NRG1: variants seen among roughly 807,000 people sequenced by gnomAD.
The protein encoded by NRG1 is pro-neuregulin-1, membrane-bound isoform.
In NRG1, 18 loss-of-function variants were observed where a neutral mutation model predicts 63.8. The ratio of observed to expected loss-of-function variants is 0.28; its 90% CI spans 0.19 to 0.42. The LOEUF (loss-of-function observed/expected upper bound fraction) is 0.42. NRG1 is among the 10% of genes least tolerant of loss of function. NRG1 has a pLI of 1.00. For missense variants in NRG1, 762 were observed against 814.7 expected (o/e 0.94, Z 0.79); for synonymous variants, 302 against 301.3 (o/e 1.00, Z -0.02).
intron 1 of NRG1, among the ~76,000 whole-genome samples, chr8:32,410,491 C>T (rs918437918): frequency 1.3e-5 from 2 of 152,104 alleles, no homozygotes; most frequent in African/African-American, 4.8e-5. Context: ...AAAAATCTTT[C>T]TTCCAAAATG....
intron 1 of NRG1, among the ~76,000 whole-genome samples, chr8:32,193,559 G>A (rs529548743): frequency 1.1e-4 from 16 of 152,056 alleles, no homozygotes; most frequent in African/African-American, 1.7e-4. Flanking sequence ...TTAAACCATC[G>A]TCAGCAGCAT....
intron 1 of NRG1, among the ~76,000 whole-genome samples, chr8:31,851,863 G>A (rs971796990): frequency 1.3e-5 from 2 of 150,348 alleles, no homozygotes; most frequent in African/African-American, 2.4e-5. Flanking sequence ...GCAGTGTCTG[G>A]TTTTTTGTTC....
At chr8:32,605,452 T>C (rs888382157) in intron 2 of NRG1, 110 bp from the exon 3 acceptor site, 63 of 1,214,768 alleles carry the variant, frequency 5.2e-5, no homozygotes, top group Non-Finnish European at 7.2e-5. Context: ...AACATATGTA[T>C]AAGGTGGGGA....
intron 1 of NRG1, among the ~76,000 whole-genome samples, chr8:32,234,308 T>A (rs1168196052): frequency 1.3e-5 from 2 of 151,676 alleles, no homozygotes; most frequent in African/African-American, 2.4e-5. Flanking sequence ...ATGGAAAATC[T>A]TCTATGATTT....
intron 1 of NRG1, among the ~76,000 whole-genome samples, chr8:32,071,613 A>T (rs922430003): frequency 2.0e-5 from 3 of 152,166 alleles, no homozygotes. Context: ...TCCCAATATG[A>T]CCGTGGAAAT....
At chr8:32,120,563 C>T (rs1833307641) in intron 1 of NRG1, among the ~76,000 whole-genome samples, 1 of 152,074 alleles carries the variant, frequency 6.6e-6, no homozygotes, top group Non-Finnish European at 1.5e-5. Context: ...AATCACCTTT[C>T]TTTCTTCAAA....
At chr8:32,238,947 T>G (rs542297484) in intron 1 of NRG1, among the ~76,000 whole-genome samples, 21 of 152,172 alleles carry the variant, frequency 1.4e-4, no homozygotes, top group Middle Eastern at 3.4e-3. Flanking sequence ...ACGCAGAAAC[T>G]TGGCAACTGG....
chr8:31,802,998 TCTC>T (rs1440790157), intron 1 of NRG1, among the ~76,000 whole-genome samples: 1 of 152,178 alleles, frequency 6.6e-6, no homozygotes, highest in Non-Finnish European at 1.5e-5. Context: ...ACAGAAGAGT[TCTC>T]CTGGCTTAGC....
chr8:32,084,562 T>A (rs977932669), intron 1 of NRG1, among the ~76,000 whole-genome samples: 1 of 152,148 alleles, frequency 6.6e-6, no homozygotes, highest in Non-Finnish European at 1.5e-5. Flanking sequence ...ATTGAGTTTT[T>A]AAAAAAAATT....
chr8:32,142,805 A>T (rs1432755964), intron 1 of NRG1, among the ~76,000 whole-genome samples: 1 of 152,254 alleles, frequency 6.6e-6, no homozygotes, highest in African/African-American at 2.4e-5. Context: ...GTGCTAATAC[A>T]TAGGTACAAA....
chr8:31,845,645 A>G (rs750977328), intron 1 of NRG1, among the ~76,000 whole-genome samples: 12 of 152,138 alleles, frequency 7.9e-5, no homozygotes, highest in Non-Finnish European at 8.8e-5. Flanking sequence ...GCTAATTAGT[A>G]GATTAGAATT....
intron 5 of NRG1, among the ~76,000 whole-genome samples, chr8:32,679,540 TTGAA>T (rs1406308187): frequency 6.6e-6 from 1 of 152,208 alleles, no homozygotes; most frequent in African/African-American, 2.4e-5. Flanking sequence ...CGTAACAAAG[TTGAA>T]TGGACTCCTT....
chr8:31,984,513 A>G (rs1316415143), intron 1 of NRG1, among the ~76,000 whole-genome samples: 1 of 152,076 alleles, frequency 6.6e-6, no homozygotes, highest in Non-Finnish European at 1.5e-5. Flanking sequence ...TATATTGAAT[A>G]ATATACAATT....
intron 1 of NRG1, among the ~76,000 whole-genome samples, chr8:31,695,294 C>T (rs1054035828): frequency 1.1e-4 from 17 of 152,280 alleles, no homozygotes; most frequent in Non-Finnish European, 2.2e-4. Context: ...CTCAGCCTCC[C>T]GAGTAGGTGG....
At chr8:31,949,062 A>G (rs2129622634) in intron 1 of NRG1, among the ~76,000 whole-genome samples, 1 of 152,346 alleles carries the variant, frequency 6.6e-6, no homozygotes, top group African/African-American at 2.4e-5. Context: ...ATATTGGTAT[A>G]TGGTAAGGAT....
At chr8:32,457,346 T>C (rs1338225140) in intron 1 of NRG1, among the ~76,000 whole-genome samples, 1 of 152,134 alleles carries the variant, frequency 6.6e-6, no homozygotes, top group Admixed American at 6.5e-5. Flanking sequence ...TCCAGTCATG[T>C]ATGGCCTGAT....
chr8:32,493,399 G>A (rs997197443), intron 1 of NRG1, among the ~76,000 whole-genome samples: 2 of 152,094 alleles, frequency 1.3e-5, no homozygotes, highest in African/African-American at 4.8e-5. Context: ...CAGATGACCC[G>A]CCAAAAACGA....
At chr8:31,883,073 A>C (rs1830470590) in intron 1 of NRG1, among the ~76,000 whole-genome samples, 2 of 152,084 alleles carry the variant, frequency 1.3e-5, no homozygotes, top group African/African-American at 4.8e-5. Context: ...TGCCACAGAG[A>C]AATATTTTAT....
intron 1 of NRG1, among the ~76,000 whole-genome samples, chr8:31,920,880 ATAGG>A (rs1277017157): frequency 1.7e-4 from 21 of 126,168 alleles, no homozygotes; most frequent in Admixed American, 1.0e-3. Flanking sequence ...AGATAGATAG[ATAGG>A]TAGATAGATA....
Sources: allele counts gnomAD v4.1 joint callset (sites outside exome capture counted in the v4.1 genomes callset), GRCh38; gene constraint gnomAD v4.1.1; transcripts MANE v1.5; gene names NCBI Gene and HGNC (gene_info 2026-07-23, HGNC 2026-07-21).